SNRPA1: variants seen among roughly 807,000 people sequenced by gnomAD.
SNRPA1 encodes U2 small nuclear ribonucleoprotein A'.
SNRPA1 carries 5 observed loss-of-function variants against 32.3 expected under a neutral mutation model. That is an observed-to-expected ratio of 0.15 (90% CI 0.08 to 0.33). The LOEUF is 0.33. Ranked by LOEUF, SNRPA1 falls within the 10% of genes least tolerant of loss-of-function variation. SNRPA1 has a pLI of 1.00. For missense variants in SNRPA1, 198 were observed against 311.1 expected (o/e 0.64, Z 2.74); for synonymous variants, 111 against 120.1 (o/e 0.92, Z 0.50).
At chr15:101,292,874 A>G (rs111238385) in intron 2 of SNRPA1, 151 bp downstream of exon 2, 4 of 479,500 alleles carry the variant, frequency 8.3e-6, no homozygotes, top group African/African-American at 8.0e-5. Flanking sequence ...CCATTATGGA[A>G]AAAATATTTT....
At chr15:101,281,843 G>C in intron 8 of SNRPA1, 61 bp from the exon 9 acceptor site, 1 of 1,495,770 alleles carries the variant, frequency 6.7e-7, no homozygotes, top group Non-Finnish European at 9.3e-7. Context: ...CCCTTAGCAT[G>C]CAAGTGTTTG....
chr15:101,289,201 G>A (rs1278539743), intron 3 of SNRPA1, among the ~76,000 whole-genome samples: 4 of 152,208 alleles, frequency 2.6e-5, no homozygotes, highest in Admixed American at 2.6e-4. Context: ...AGTGTAAAAC[G>A]TAATGGCGAT....
rs28391012 is a variant in SNRPA1, at chr15:101,283,719, G to A, written c.709+1248C>T. Among the ~76,000 whole-genome samples the A allele has an allele frequency of 9.3e-3, 1,418 of 152,350 alleles. 23 individuals are homozygous for A. The highest frequency in any genetic ancestry group is 0.032 in the African/African-American group (1,321 of 41,590). ...CCAGCACTTTGGGAAGACGAGGCAG[G>A]TGGATCACGGGGTCAAGAGATTGAG... is the stretch of plus-strand genomic sequence containing the variant. On this transcript the variant is annotated intron_variant, in intron 8 of 8. Transcript: ENST00000254193.
chr15:101,286,439 C>A, intron 5 of SNRPA1, 146 bp from the exon 6 acceptor site: 1 of 609,586 alleles, frequency 1.6e-6, no homozygotes. Flanking sequence ...TAAGAGAAGA[C>A]ACAGTGGTCT....
intron 8 of SNRPA1, among the ~76,000 whole-genome samples, chr15:101,282,277 A>G (rs990759438): frequency 1.0e-3 from 158 of 152,254 alleles, no homozygotes; most frequent in African/African-American, 2.9e-3. Context: ...TTCCAGGGGG[A>G]AAAAAAAGTT....
At chr15:101,288,252 T>G (rs1408544914) in intron 3 of SNRPA1, 1 of 152,812 alleles carries the variant, frequency 6.5e-6, no homozygotes, top group African/African-American at 2.4e-5. Context: ...TGATTTTTTT[T>G]TTTTTTTTTT....
chr15:101,286,379 T>G, intron 5 of SNRPA1, 86 bp from the exon 6 acceptor site: 1 of 1,172,484 alleles, frequency 8.5e-7, no homozygotes, highest in Non-Finnish European at 1.2e-6. Context: ...GGAAGCGAAC[T>G]CTCCTACAGT....
intron 8 of SNRPA1, among the ~76,000 whole-genome samples, chr15:101,282,003 A>C (rs1026391812): frequency 6.6e-6 from 1 of 152,258 alleles, no homozygotes; most frequent in Non-Finnish European, 1.5e-5. Flanking sequence ...AAAGGGTCAC[A>C]AAGATTTCAA....
At position 101,290,834 on chromosome 15, in the gene SNRPA1, TG is replaced by T. The variant is rs549387757; in HGVS notation, c.309+1127del. Among the ~76,000 whole-genome samples the T allele has an allele frequency of 3.1e-3, 472 of 150,178 alleles. 6 individuals are homozygous for T. Among genetic ancestry groups the T allele is most frequent in the Admixed American group, 0.015 (232 of 15,002 alleles). On this transcript the variant is annotated intron_variant, in intron 3 of 8. Transcript: ENST00000254193. ...TCAGCTCATTGCAACCTCTGCCTCC[TG>T]GGTTCAAGCAATCCTCCTGTCTCAG...
chr15:101,293,058 A>G lies in SNRPA1; in HGVS notation c.197T>C (p.Leu66Pro), dbSNP rs753518771. The change falls in exon 2 of 9, where the codon CTG becomes CCG. Residue 66 changes from leucine to proline, a missense_variant. This residue lies in a region of SNRPA1 where 119 missense variants were observed against 171.6 expected (regional missense o/e 0.69). Transcript: ENST00000254193. ...GTTGTTGTTCACTAACAATGTTTTC[A>G]GTCTTCTCAACAAAGGAAAACCATC... is the stretch of plus-strand genomic sequence containing the variant. ...KLDGFPLLRR[L>P]KTLLVNNNRI... The G allele has an allele frequency of 6.2e-7, 1 of 1,611,762 alleles. No homozygotes were observed. Among genetic ancestry groups the G allele is most frequent in the East Asian group, 2.2e-5 (1 of 44,846 alleles).
intron 4 of SNRPA1, 35 bp downstream of exon 4, chr15:101,287,621 G>C (rs755331457): frequency 3.4e-5 from 54 of 1,574,428 alleles, no homozygotes; most frequent in Non-Finnish European, 4.7e-5. Flanking sequence ...TTATTTTAAA[G>C]GGCTTCATTT....
rs991548658 is a variant in SNRPA1 at position 101,281,753 on chromosome 15, C to G, written c.739G>C (p.Glu247Gln). Residue 247 changes from glutamate (E) to glutamine (Q), a missense_variant, in exon 9 of 9, where the codon GAA (glutamate) becomes CAA (glutamine). Coordinates refer to ENST00000254193, the MANE Select transcript of SNRPA1 (RefSeq NM_003090.4). ...GPTDDGEEEM[E>Q]EDTVTNGS Reference sequence around the variant, plus strand: ...GACCCGTTTGTGACTGTGTCTTCTTCCATCTCTTCTTCACCATCATCAGTG... The same window carrying G: ...GACCCGTTTGTGACTGTGTCTTCTTGCATCTCTTCTTCACCATCATCAGTG... 1 of 1,613,932 alleles carries G rather than the reference C, an allele frequency of 6.2e-7. No homozygotes were observed. The highest frequency in any genetic ancestry group is 8.5e-7 in the Non-Finnish European group (1 of 1,179,876).
intron 3 of SNRPA1, 108 bp from the exon 4 acceptor site, chr15:101,287,810 T>G (rs904483023): frequency 3.2e-6 from 3 of 947,256 alleles, no homozygotes; most frequent in Non-Finnish European, 5.0e-6. Context: ...TTTACTGAAT[T>G]TTTACTCTCT....
chr15:101,285,619 C>G, intron 7 of SNRPA1, 107 bp downstream of exon 7: 3 of 762,964 alleles, frequency 3.9e-6, no homozygotes, highest in East Asian at 5.2e-5. Flanking sequence ...ATGCTAATAA[C>G]TGTGGGAAAA....
chr15:101,294,949 C>G (rs1259525128), intron 1 of SNRPA1, 148 bp downstream of exon 1: 1 of 500,204 alleles, frequency 2.0e-6, no homozygotes, highest in Non-Finnish European at 3.5e-6. Flanking sequence ...CGGCAAGAAT[C>G]AGGCCCGGCG....
intron 1 of SNRPA1, among the ~76,000 whole-genome samples, chr15:101,293,802 A>G (rs2039555166): frequency 6.6e-6 from 1 of 152,276 alleles, no homozygotes; most frequent in African/African-American, 2.4e-5. Context: ...AATATTCCGA[A>G]GAAGCAAGGT....
At chr15:101,292,112 A>T (rs1398754876) in intron 2 of SNRPA1, 72 bp from the exon 3 acceptor site, 1 of 985,738 alleles carries the variant, frequency 1.0e-6, no homozygotes, top group Non-Finnish European at 1.6e-6. Context: ...CTCCTTGCTC[A>T]GAGGATCACA....
Position 101,291,843 on chromosome 15 carries a change from A to C in SNRPA1, c.309+119T>G, listed in dbSNP as rs1329434705. 2.2e-5 allele frequency: 14 copies of C among 628,680 alleles called. No individual in the cohort carries two copies. In the South Asian group the frequency reaches 2.3e-4, roughly 11 times the overall value. 38.9% of individuals were successfully genotyped at this position (628,680 alleles called of 1,614,324 possible). ...CCCAAAAGGCCCAGATCCTGAATTA[A>C]GAAAAAGACAAGAAAGAGGATACTG... is the stretch of plus-strand genomic sequence containing the variant. On this transcript the variant is annotated intron_variant, in intron 3 of 8. Coordinates refer to ENST00000254193, the MANE Select transcript of SNRPA1 (RefSeq NM_003090.4).
intron 3 of SNRPA1, chr15:101,289,925 C>CAAAAAAAAAGAAAAAAAAA (rs2039501318): frequency 2.9e-5 from 2 of 70,024 alleles, no homozygotes; most frequent in Non-Finnish European, 5.3e-5. Flanking sequence ...CACTCCATCT[C>CAAAAAAAAAGAAAAAAAAA]AAAAAAAAAA....
Sources: allele counts gnomAD v4.1 joint callset (sites outside exome capture counted in the v4.1 genomes callset), GRCh38; gene constraint gnomAD v4.1.1; regional missense constraint gnomAD v4.1.1; transcripts MANE v1.5; gene names NCBI Gene and HGNC (gene_info 2026-07-23, HGNC 2026-07-21).